The following TASP1 variants were observed in gnomAD, a reference collection of about 807,000 sequenced individuals.
TASP1 encodes the protein threonine aspartase 1.
Under a neutral mutation model 56.6 loss-of-function variants are expected in TASP1, and 16 were observed. The ratio of observed to expected loss-of-function variants is 0.28; its 90% CI spans 0.19 to 0.43. TASP1 has a LOEUF of 0.43. Ranked by LOEUF, TASP1 falls within the 20% of genes least tolerant of loss-of-function variation. The pLI is 1.00. For missense variants in TASP1, 393 were observed against 511.6 expected, an observed-to-expected ratio of 0.77 and a Z score of 2.24; for synonymous variants, 179 against 184.2, an observed-to-expected ratio of 0.97 and a Z score of 0.23.
At chr20:13,245,935 C>T in the TASP1 span, among the ~76,000 whole-genome samples, 1 of 152,166 alleles carries the variant, frequency 6.6e-6, no homozygotes. Flanking sequence ...ATGTTCTTTG[C>T]CCTCTTTCCG....
the TASP1 span, among the ~76,000 whole-genome samples, chr20:13,336,760 T>C: frequency 3.3e-5 from 5 of 151,802 alleles, no homozygotes; most frequent in South Asian, 1.0e-3. Context: ...TTTTTTTTTG[T>C]ATCTCAAAAA....
chr20:13,252,647 C>T, the TASP1 span, among the ~76,000 whole-genome samples: 7 of 151,980 alleles, frequency 4.6e-5, no homozygotes, highest in Non-Finnish European at 1.0e-4. Flanking sequence ...CCCAGATACT[C>T]AGGAGGCTGA....
At chr20:13,583,365 T>C (rs1052299809) in intron 5 of TASP1, among the ~76,000 whole-genome samples, 19 of 152,234 alleles carry the variant, frequency 1.2e-4, no homozygotes, top group Admixed American at 1.1e-3. Flanking sequence ...CAGTGAATGA[T>C]AGCCACACCT....
intron 4 of TASP1, among the ~76,000 whole-genome samples, chr20:13,598,238 A>C (rs534426163): frequency 9.3e-4 from 142 of 152,298 alleles, no homozygotes; most frequent in African/African-American, 3.1e-3. Flanking sequence ...AATCCTAAGC[A>C]AAAAGAACAA....
chr20:13,557,401 T>TG (rs2046194983), intron 8 of TASP1, among the ~76,000 whole-genome samples: 2 of 152,012 alleles, frequency 1.3e-5, no homozygotes, highest in Non-Finnish European at 2.9e-5. Flanking sequence ...GCATTTACTG[T>TG]AATAAAAATC....
At chr20:13,425,445 T>C (rs2042586715) in intron 12 of TASP1, among the ~76,000 whole-genome samples, 1 of 152,204 alleles carries the variant, frequency 6.6e-6, no homozygotes, top group Non-Finnish European at 1.5e-5. Flanking sequence ...TCCTCCTCTT[T>C]AAAAATATAT....
chr20:13,364,034 G>A, the TASP1 span, among the ~76,000 whole-genome samples: 2 of 151,934 alleles, frequency 1.3e-5, no homozygotes, highest in African/African-American at 4.8e-5. Context: ...TCCCAGATAA[G>A]GTTTGGGATA....
Position 13,417,520 on chromosome 20 carries a change from C to T in TASP1, c.1098G>A (p.Val366=). The T allele has an allele frequency of 2.5e-6, 4 of 1,614,084 alleles. No individual in the cohort carries two copies. The highest frequency in any genetic ancestry group is 3.4e-6 in the Non-Finnish European group (4 of 1,179,990). Residue 366 remains valine, a splice_region_variant and synonymous_variant, in exon 13 of 14, where the codon GTG becomes GTA. Coordinates refer to ENST00000337743, the MANE Select transcript of TASP1 (RefSeq NM_017714.3). ...CCGTCGTGTGGCTCCACAGAAATTC[C>T]ACTGCCATAAAAGAGAACACAAATA... The part of the protein sequence containing the change: ...DSSQNKQTLL[V]EFLWSHTTES...
At chr20:13,377,133 G>A in the TASP1 span, among the ~76,000 whole-genome samples, 1,408 of 152,256 alleles carry the variant, frequency 9.2e-3, 23 homozygotes, top group African/African-American at 0.032. Context: ...TGGTGAGAGC[G>A]GGCATGCTTG....
intron 2 of TASP1, among the ~76,000 whole-genome samples, chr20:13,629,093 TG>T (rs1172425477): frequency 1.3e-5 from 2 of 152,148 alleles, no homozygotes; most frequent in Non-Finnish European, 2.9e-5. Flanking sequence ...GGGCCGGGTG[TG>T]GTGGCTTACG....
In TASP1 at chr20:13,500,798, G is replaced by A. The variant is rs367646566; in HGVS notation, c.875-17461C>T. Reference sequence around the variant, plus strand: ...AGAACAATATCGAATGCATATAACCGCAGCCCTAGAAGTAAAAGAGAGAAC... The same window carrying A: ...AGAACAATATCGAATGCATATAACCACAGCCCTAGAAGTAAAAGAGAGAAC... On this transcript the variant is annotated intron_variant, in intron 10 of 13. Coordinates refer to ENST00000337743, the MANE Select transcript of TASP1 (RefSeq NM_017714.3). 1.3e-3 allele frequency among the ~76,000 whole-genome samples: 192 copies of A among 152,060 alleles called. 1 individual carries two copies. Among genetic ancestry groups the A allele is most frequent in the Non-Finnish European group, 2.1e-3 (144 of 67,920 alleles).
At chr20:13,582,094 C>A (rs1200942007) in intron 5 of TASP1, among the ~76,000 whole-genome samples, 1 of 139,976 alleles carries the variant, frequency 7.1e-6, no homozygotes, top group African/African-American at 2.7e-5. Flanking sequence ...AGCTCAATAC[C>A]AAATCTTCCA....
At chr20:13,312,408 C>G in the TASP1 span, among the ~76,000 whole-genome samples, 2 of 152,226 alleles carry the variant, frequency 1.3e-5, no homozygotes, top group African/African-American at 4.8e-5. Context: ...TCCTACCAGC[C>G]TTGCTGGTTC....
chr20:13,310,500 T>C, the TASP1 span, among the ~76,000 whole-genome samples: 2 of 152,184 alleles, frequency 1.3e-5, no homozygotes, highest in Admixed American at 6.6e-5. Context: ...AAAAATGTAT[T>C]GACATTGGTC....
chr20:13,169,773 A>G, the TASP1 span, among the ~76,000 whole-genome samples: 1 of 152,166 alleles, frequency 6.6e-6, no homozygotes, highest in Non-Finnish European at 1.5e-5. Flanking sequence ...AGCTTCAAAC[A>G]TTACCAATTT....
chr20:13,584,027 C>G (rs1180943642), intron 5 of TASP1, among the ~76,000 whole-genome samples: 1 of 152,094 alleles, frequency 6.6e-6, no homozygotes, highest in Non-Finnish European at 1.5e-5. Context: ...TGCAGTGAGC[C>G]AAGATCGCAC....
chr20:13,503,490 C>T (rs544785505), intron 10 of TASP1, among the ~76,000 whole-genome samples: 83 of 152,250 alleles, frequency 5.5e-4, no homozygotes, highest in African/African-American at 1.9e-3. Flanking sequence ...TCTCTTGAAA[C>T]TAGTTAGTAG....
the TASP1 span, among the ~76,000 whole-genome samples, chr20:13,276,958 TTGTTTTG>T: frequency 6.6e-6 from 1 of 152,158 alleles, no homozygotes; most frequent in Admixed American, 6.5e-5. Flanking sequence ...CTAAGATTTG[TTGTTTTG>T]TGTTTTGTTT....
chr20:13,269,861 C>T, the TASP1 span, among the ~76,000 whole-genome samples: 1 of 151,988 alleles, frequency 6.6e-6, no homozygotes, highest in Non-Finnish European at 1.5e-5. Flanking sequence ...CATGTCTATC[C>T]TGTTTATTGC....
Sources: gnomAD v4.1 joint callset for allele counts (sites outside exome capture counted in the v4.1 genomes callset) on GRCh38, gnomAD v4.1.1 for gene constraint, MANE v1.5 for transcripts, NCBI Gene and HGNC (gene_info 2026-07-23, HGNC 2026-07-21) for gene names.